Variants in TRIP12 observed in about 807,000 individuals in gnomAD.
The protein encoded by TRIP12 is thyroid hormone receptor interactor 12.
In TRIP12, 25 loss-of-function variants were observed where a neutral mutation model predicts 244.2. The ratio of observed to expected loss-of-function variants is 0.10; its 90% confidence interval spans 0.07 to 0.14. The LOEUF is 0.14. Among genes scored for constraint, TRIP12 ranks in the 10% least tolerant of loss-of-function variants. The pLI is 1.00. For synonymous variants in TRIP12, 905 were observed against 873.1 expected, an observed-to-expected ratio of 1.04 and a Z score of -0.64; for missense variants, 1,677 against 2,486.4, an observed-to-expected ratio of 0.67 and a Z score of 6.92.
chr2:229,803,774 G>A, intron 19 of TRIP12, 85 bp from the exon 20 acceptor site: 1 of 1,031,644 alleles, frequency 9.7e-7, no homozygotes, highest in Non-Finnish European at 1.4e-6. Flanking sequence ...TGAGAGCAAA[G>A]CATTTTCATT....
At chr2:229,895,254 T>C (rs563779548) in intron 1 of TRIP12, among the ~76,000 whole-genome samples, 2 of 152,250 alleles carry the variant, frequency 1.3e-5, no homozygotes, top group East Asian at 3.9e-4. Context: ...GGCTGCCTAT[T>C]AGACAAAGAC....
chr2:229,818,328 A>G lies in TRIP12; in HGVS notation c.1599+36T>C, dbSNP rs777313128. 6.8e-6 allele frequency: 11 copies of G among 1,608,208 alleles called. No individual in the cohort carries two copies. The South Asian group carries it at 1.2e-4, about 18-fold the overall frequency. ...CAAAATCGGCAGATTTCAGAGGACA[A>G]ATGAGGTAAAAACGAGGGAAAAACA... On this transcript the variant is annotated intron_variant, in intron 9 of 41. Coordinates refer to ENST00000675903, the MANE Select transcript of TRIP12 (RefSeq NM_001348323.3).
intron 1 of TRIP12, among the ~76,000 whole-genome samples, chr2:229,902,371 C>A (rs1234638488): frequency 6.6e-6 from 1 of 152,082 alleles, no homozygotes; most frequent in Non-Finnish European, 1.5e-5. Flanking sequence ...TGCAGCGAGA[C>A]TTCGTCCTCC....
chr2:229,874,725 A>G (rs527725670), intron 2 of TRIP12, among the ~76,000 whole-genome samples: 5 of 152,316 alleles, frequency 3.3e-5, no homozygotes, highest in African/African-American at 7.2e-5. Flanking sequence ...AAGAACATAG[A>G]CTAGAAATAT....
At chr2:229,801,975 A>AT (rs1559499967) in intron 21 of TRIP12, among the ~76,000 whole-genome samples, 1 of 152,236 alleles carries the variant, frequency 6.6e-6, no homozygotes, top group African/African-American at 2.4e-5. Flanking sequence ...TACAAGTAAC[A>AT]TAAGTGTGTA....
chr2:229,814,050 T>G lies in TRIP12; in HGVS notation c.1825-19A>C, dbSNP rs1426233261. On this transcript the variant is annotated intron_variant, in intron 12 of 41. Transcript: ENST00000675903. ...AACCACCCTAAAATATAGAAAACTG[T>G]TAAGGTAAAGAAAAATCCTTTATCA... is the stretch of plus-strand genomic sequence containing the variant. 2.6e-6 allele frequency: 4 copies of G among 1,560,818 alleles called. No individual in the cohort carries two copies. The South Asian group carries it at 4.7e-5, about 18-fold the overall frequency.
intron 7 of TRIP12, 56 bp from the exon 8 acceptor site, chr2:229,829,344 T>C: frequency 1.4e-6 from 2 of 1,411,986 alleles, no homozygotes; most frequent in South Asian, 2.5e-5. Context: ...GCAACTGATG[T>C]ATCTAAAAAT....
intron 34 of TRIP12, 57 bp from the exon 35 acceptor site, chr2:229,779,047 G>C: frequency 7.0e-7 from 1 of 1,424,960 alleles, no homozygotes; most frequent in South Asian, 1.2e-5. Flanking sequence ...TTTTTTTACT[G>C]CCAACCTCTT....
rs1167500850 is a variant in TRIP12 at position 229,778,167 on chromosome 2, C to G, written c.5364+266G>C. On this transcript the variant is annotated intron_variant, in intron 36 of 41. Coordinates refer to ENST00000675903, the MANE Select transcript of TRIP12 (RefSeq NM_001348323.3). This position sits in a 1 kb window ranked among gnomAD's most constrained non-coding sequence, Gnocchi z 4.1. ...ACTTGCCTGATTATCTGAACCCTTG[C>G]TATCCAAGGAGGGGTCCACAACCTG... is the stretch of plus-strand genomic sequence containing the variant. Among the ~76,000 whole-genome samples the G allele has an allele frequency of 1.3e-5, 2 of 152,190 alleles. No individual in the cohort carries two copies. Among genetic ancestry groups the G allele is most frequent in the African/African-American group, 4.8e-5 (2 of 41,450 alleles).
At chr2:229,875,050 C>T (rs951724692) in intron 2 of TRIP12, among the ~76,000 whole-genome samples, 9 of 151,970 alleles carry the variant, frequency 5.9e-5, no homozygotes, top group African/African-American at 1.9e-4. Flanking sequence ...AACAGAGAAG[C>T]AGTGGAAAGG....
rs76579521 is a variant in TRIP12, at chr2:229,811,546, T to C, written c.1987-342A>G. 3.6e-3 allele frequency among the ~76,000 whole-genome samples: 547 copies of C among 152,270 alleles called. 4 individuals carry two copies. Among genetic ancestry groups the C allele is most frequent in the Middle Eastern group, 6.8e-3 (2 of 294 alleles). On this transcript the variant is annotated intron_variant, in intron 13 of 41. Coordinates refer to ENST00000675903, the MANE Select transcript of TRIP12 (RefSeq NM_001348323.3). ...ATATCCTACTTTCCTTTAAAACCAT[T>C]ACAAGTAGAAATGTTTAAGTGGGTG...
chr2:229,787,992 G>A (rs1402257473), intron 32 of TRIP12, among the ~76,000 whole-genome samples: 2 of 151,948 alleles, frequency 1.3e-5, no homozygotes, highest in South Asian at 2.1e-4. Flanking sequence ...TAGTAGAGAC[G>A]GGGTTTCACC....
intron 7 of TRIP12, 124 bp downstream of exon 7, chr2:229,830,632 C>T: frequency 1.2e-6 from 1 of 866,154 alleles, no homozygotes; most frequent in Non-Finnish European, 1.7e-6. Context: ...ATTTTTTTTT[C>T]TTGGAGGTGC....
chr2:229,806,001 G>T, intron 17 of TRIP12, 118 bp from the exon 18 acceptor site: 1 of 796,218 alleles, frequency 1.3e-6, no homozygotes, highest in Non-Finnish European at 1.8e-6. Context: ...GGTTTTAGAT[G>T]GTGAAGTTAA....
intron 20 of TRIP12, 35 bp downstream of exon 20, chr2:229,803,536 C>G (rs1352838147): frequency 2.2e-6 from 3 of 1,362,422 alleles, no homozygotes; most frequent in Non-Finnish European, 3.1e-6. Flanking sequence ...GAAGTACTAT[C>G]TAGACTAAAT....
chr2:229,825,938 T>C (rs1013323545), intron 8 of TRIP12, among the ~76,000 whole-genome samples: 1 of 152,200 alleles, frequency 6.6e-6, no homozygotes, highest in African/African-American at 2.4e-5. Context: ...ACTGAAATGT[T>C]TAATACACAT....
intron 2 of TRIP12, among the ~76,000 whole-genome samples, chr2:229,864,045 AGAGTGTGTGTGTGT>A (rs1379610711): frequency 2.1e-4 from 14 of 67,270 alleles, no homozygotes; most frequent in African/African-American, 5.9e-4. Context: ...AGAGAGAGAG[AGAGTGTGTGTGTGT>A]GTGTGTGTGT....
intron 6 of TRIP12, among the ~76,000 whole-genome samples, chr2:229,836,516 T>G (rs942643234): frequency 1.3e-5 from 2 of 152,242 alleles, no homozygotes; most frequent in Admixed American, 6.5e-5. Context: ...AATTTATATA[T>G]GTGTGAAGCA....
chr2:229,805,553 G>A (rs1016927907), intron 18 of TRIP12, among the ~76,000 whole-genome samples, 177 bp downstream of exon 18: 2 of 152,130 alleles, frequency 1.3e-5, no homozygotes, highest in Non-Finnish European at 2.9e-5. Flanking sequence ...AAAGATACCA[G>A]TTAATACTGG....
Sources: gnomAD v4.1 joint callset for allele counts (sites outside exome capture counted in the v4.1 genomes callset) on GRCh38, gnomAD v4.1.1 for gene constraint, Gnocchi (gnomAD v3.1) non-coding constraint, MANE v1.5 for transcripts, NCBI Gene and HGNC (gene_info 2026-07-23, HGNC 2026-07-21) for gene names.